SHISA9: variants seen among roughly 807,000 people sequenced by gnomAD.
SHISA9 encodes the protein shisa family member 9.
SHISA9 carries 13 observed loss-of-function variants against 38.0 expected under a neutral mutation model. The ratio of observed to expected loss-of-function variants is 0.34; its 90% CI spans 0.22 to 0.54. SHISA9 has a LOEUF of 0.54. Ranked by LOEUF, SHISA9 falls within the 20% of genes least tolerant of loss-of-function variation. The pLI, the probability that SHISA9 is intolerant of heterozygous loss-of-function variation, is 0.91. For synonymous variants in SHISA9, 275 were observed against 242.0 expected, an observed-to-expected ratio of 1.14 and a Z score of -1.27; for missense variants, 538 against 575.8, an observed-to-expected ratio of 0.93 and a Z score of 0.67.
chr16:12,914,550 T>C (rs2071229068), intron 1 of SHISA9, among the ~76,000 whole-genome samples: 1 of 152,180 alleles, frequency 6.6e-6, no homozygotes, highest in Non-Finnish European at 1.5e-5. Context: ...CTTAGCAGAC[T>C]CAGTCTTTTC....
At chr16:13,134,839 C>G (rs2050334664) in intron 2 of SHISA9, among the ~76,000 whole-genome samples, 1 of 152,150 alleles carries the variant, frequency 6.6e-6, no homozygotes, top group Non-Finnish European at 1.5e-5. Context: ...TAGCTCTGCT[C>G]CATGGGCCTT....
At chr16:13,093,484 G>A (rs2073795785) in intron 2 of SHISA9, among the ~76,000 whole-genome samples, 1 of 152,138 alleles carries the variant, frequency 6.6e-6, no homozygotes, top group Non-Finnish European at 1.5e-5. Context: ...TGGCTGTCAT[G>A]GATTTCCAGA....
At chr16:13,157,713 G>A (rs957253642) in intron 2 of SHISA9, among the ~76,000 whole-genome samples, 6 of 152,152 alleles carry the variant, frequency 3.9e-5, no homozygotes, top group African/African-American at 1.4e-4. Context: ...CTGAATGACT[G>A]CCACTGCCTG....
rs78265371 is a variant in SHISA9, at chr16:13,210,521, T to C, written c.848-2732T>C. On this transcript the variant is annotated intron_variant, in intron 3 of 4. Coordinates refer to ENST00000558583, the MANE Select transcript of SHISA9 (RefSeq NM_001145204.3). Reference sequence around the variant, plus strand: ...GCCAGAATCACAAGGCATTTTCCAATAGCACTTTTTGAAACAACAGCAACA... The same window carrying C: ...GCCAGAATCACAAGGCATTTTCCAACAGCACTTTTTGAAACAACAGCAACA... 2.2e-3 allele frequency among the ~76,000 whole-genome samples: 328 copies of C among 152,346 alleles called. 14 individuals are homozygous for C. In the East Asian group the frequency reaches 0.058, roughly 27 times the overall value.
chr16:13,496,248 A>G, the SHISA9 span, among the ~76,000 whole-genome samples: 1 of 152,114 alleles, frequency 6.6e-6, no homozygotes, highest in South Asian at 2.1e-4. Context: ...TTCCTCCATA[A>G]CATCAAGTTT....
At chr16:13,073,989 G>A (rs573646863) in intron 2 of SHISA9, among the ~76,000 whole-genome samples, 1 of 148,556 alleles carries the variant, frequency 6.7e-6, no homozygotes, top group East Asian at 2.0e-4. Context: ...TTTGTGGGGG[G>A]TGCAGAGTCT....
chr16:13,203,303 G>C (rs2051024018), intron 2 of SHISA9, 91 bp from the exon 3 acceptor site: 1 of 1,255,312 alleles, frequency 8.0e-7, no homozygotes, highest in African/African-American at 1.5e-5. Context: ...AGGGTGGGGA[G>C]AGTTTTGGTC....
intron 2 of SHISA9, among the ~76,000 whole-genome samples, chr16:12,923,374 A>G (rs552788940): frequency 4.6e-5 from 7 of 152,266 alleles, no homozygotes; most frequent in Middle Eastern, 6.8e-3. Flanking sequence ...ACAAAAACAC[A>G]AAAATTAGCT....
intron 2 of SHISA9, among the ~76,000 whole-genome samples, chr16:12,995,635 C>G (rs578020817): frequency 6.6e-6 from 1 of 152,290 alleles, no homozygotes; most frequent in South Asian, 2.1e-4. Context: ...CACCTTCCCA[C>G]TGTTAAGGTC....
intron 2 of SHISA9, among the ~76,000 whole-genome samples, chr16:12,966,876 G>T (rs1470327450): frequency 6.6e-6 from 1 of 152,194 alleles, no homozygotes; most frequent in African/African-American, 2.4e-5. Flanking sequence ...TCTTCCTGTA[G>T]GATAATTAGC....
chr16:13,410,038 G>C, the SHISA9 span, among the ~76,000 whole-genome samples: 2 of 152,194 alleles, frequency 1.3e-5, no homozygotes, highest in Non-Finnish European at 2.9e-5. Flanking sequence ...TATATTTTTA[G>C]TAGTATTAGT....
the SHISA9 span, among the ~76,000 whole-genome samples, chr16:13,495,063 A>G: frequency 1.4e-4 from 22 of 152,314 alleles, no homozygotes; most frequent in African/African-American, 5.3e-4. Context: ...GTTGTTGCCA[A>G]GGTATAAAGA....
chr16:12,985,129 C>A (rs1023019606), intron 2 of SHISA9, among the ~76,000 whole-genome samples: 2 of 152,018 alleles, frequency 1.3e-5, no homozygotes, highest in Non-Finnish European at 2.9e-5. Flanking sequence ...TGCTTCTGGG[C>A]CCCGTTTCCA....
intron 2 of SHISA9, among the ~76,000 whole-genome samples, chr16:13,158,014 G>T (rs183686708): frequency 6.6e-6 from 1 of 152,236 alleles, no homozygotes; most frequent in East Asian, 1.9e-4. Flanking sequence ...TGTCAGAAAG[G>T]GGTGGTGGAG....
At chr16:13,494,977 A>T in the SHISA9 span, among the ~76,000 whole-genome samples, 2 of 152,240 alleles carry the variant, frequency 1.3e-5, no homozygotes, top group African/African-American at 4.8e-5. Context: ...TCAATCTGAC[A>T]AGATTACATA....
At chr16:12,916,865 A>G in intron 2 of SHISA9, 50 bp downstream of exon 2, 2 of 1,530,454 alleles carry the variant, frequency 1.3e-6, no homozygotes, top group Non-Finnish European at 1.8e-6. Context: ...TGACCTGAGC[A>G]GTGGTCACAT....
the SHISA9 span, among the ~76,000 whole-genome samples, chr16:13,248,563 T>C: frequency 1.3e-5 from 2 of 152,220 alleles, no homozygotes; most frequent in South Asian, 4.1e-4. Context: ...TTTTCTCATC[T>C]GTAGAGCAAG....
At chr16:13,052,136 T>C (rs2073259140) in intron 2 of SHISA9, among the ~76,000 whole-genome samples, 2 of 152,082 alleles carry the variant, frequency 1.3e-5, no homozygotes, top group African/African-American at 4.8e-5. Context: ...AAATCTAGTT[T>C]ACGGTAGAAA....
chr16:13,167,959 G>A (rs1462817952), intron 2 of SHISA9, among the ~76,000 whole-genome samples: 2 of 152,082 alleles, frequency 1.3e-5, no homozygotes, highest in African/African-American at 4.8e-5. Flanking sequence ...CTCTTTCCAT[G>A]GCTGATAGTT....
Sources: allele counts gnomAD v4.1 joint callset (sites outside exome capture counted in the v4.1 genomes callset), GRCh38; gene constraint gnomAD v4.1.1; transcripts MANE v1.5; gene names NCBI Gene and HGNC (gene_info 2026-07-23, HGNC 2026-07-21).